NFATC1: variants seen among roughly 807,000 people sequenced by gnomAD.
NFATC1 encodes nuclear factor of activated T-cells, cytoplasmic 1.
In NFATC1, 22 loss-of-function variants were observed where a neutral mutation model predicts 76.0. That is an observed-to-expected ratio of 0.29 (90% CI 0.21 to 0.41). The LOEUF (loss-of-function observed/expected upper bound fraction) is 0.41, where lower values mean the gene tolerates loss of function less well. Among genes scored for constraint, NFATC1 ranks in the 10% least tolerant of loss-of-function variants. The pLI, the probability that NFATC1 is intolerant of heterozygous loss-of-function variation, is 1.00. For synonymous variants in NFATC1, 704 were observed against 613.1 expected, an observed-to-expected ratio of 1.15 and a Z score of -2.19; for missense variants, 1,357 against 1,337.7, an observed-to-expected ratio of 1.01 and a Z score of -0.23.
In NFATC1 at chr18:79,460,770, G is replaced by A. The variant is rs537553073; in HGVS notation, c.1904-541G>A. On this transcript the variant is annotated intron_variant, in intron 6 of 9. Coordinates refer to ENST00000427363, the MANE Select transcript of NFATC1 (RefSeq NM_001278669.2). ...GCACGAGCAGGCGTCGCACCCTGGCGTGGAGCCCCCGGCCCCCCGTCACTA... is the reference window on the plus strand; with the variant it reads ...GCACGAGCAGGCGTCGCACCCTGGCATGGAGCCCCCGGCCCCCCGTCACTA... 8.5e-5 allele frequency among the ~76,000 whole-genome samples: 13 copies of A among 152,246 alleles called. No individual in the cohort carries two copies. The East Asian group carries it at 1.9e-3, about 23-fold the overall frequency.
At chr18:79,429,501 G>C (rs374356776) in intron 2 of NFATC1, among the ~76,000 whole-genome samples, 1 of 152,134 alleles carries the variant, frequency 6.6e-6, no homozygotes, top group Admixed American at 6.5e-5. Flanking sequence ...TTGCCGTTCC[G>C]GGGGATGGGC....
At chr18:79,400,272 GCGGGGA>G (rs1555896589) in intron 1 of NFATC1, 8 of 1,189,658 alleles carry the variant, frequency 6.7e-6, no homozygotes, top group Non-Finnish European at 8.4e-6. Flanking sequence ...CGGGGGCGGG[GCGGGGA>G]CGGGGGGAGG....
At chr18:79,433,895 G>A (rs559016225) in intron 3 of NFATC1, among the ~76,000 whole-genome samples, 157 bp downstream of exon 3, 1 of 152,382 alleles carries the variant, frequency 6.6e-6, no homozygotes, top group South Asian at 2.1e-4. Flanking sequence ...CTCTGAGCTG[G>A]AATGGGAGCA....
At chr18:79,462,315 G>A (rs1252325260) in intron 7 of NFATC1, among the ~76,000 whole-genome samples, 2 of 152,158 alleles carry the variant, frequency 1.3e-5, no homozygotes, top group Non-Finnish European at 2.9e-5. Context: ...GGAGACCATT[G>A]ATGTTTAGGT....
intron 8 of NFATC1, among the ~76,000 whole-genome samples, chr18:79,485,800 T>C (rs960258004): frequency 2.0e-5 from 3 of 152,260 alleles, no homozygotes; most frequent in Admixed American, 2.0e-4. Flanking sequence ...GAGCAGTCGT[T>C]CACCTTTGCA....
At chr18:79,439,149 A>G (rs540202499) in intron 3 of NFATC1, among the ~76,000 whole-genome samples, 2 of 152,304 alleles carry the variant, frequency 1.3e-5, no homozygotes, top group East Asian at 3.9e-4. Context: ...TGTTCCACGC[A>G]GGGCCTCATC....
intron 2 of NFATC1, among the ~76,000 whole-genome samples, chr18:79,426,002 A>C (rs1179539041): frequency 6.6e-6 from 1 of 152,190 alleles, no homozygotes; most frequent in Non-Finnish European, 1.5e-5. Flanking sequence ...GCTGGAGCCC[A>C]GGAGTTTGAG....
At chr18:79,455,932 CCCA>C (rs1426059690) in intron 6 of NFATC1, among the ~76,000 whole-genome samples, 3 of 152,196 alleles carry the variant, frequency 2.0e-5, no homozygotes, top group African/African-American at 4.8e-5. Context: ...GGGCCTGCCT[CCCA>C]CCTCACTGGG....
At chr18:79,466,973 C>T (rs11659416) in intron 7 of NFATC1, among the ~76,000 whole-genome samples, 15,828 of 152,302 alleles carry the variant, frequency 0.1, 1,082 homozygotes, top group Non-Finnish European at 0.15. Context: ...TTTGCATCCC[C>T]GCCAGTCCCC....
chr18:79,499,415 A>G (rs138000520), intron 9 of NFATC1, among the ~76,000 whole-genome samples: 251 of 152,394 alleles, frequency 1.6e-3, no homozygotes, highest in African/African-American at 5.9e-3. Context: ...TATGTGTGTA[A>G]CACAAAATAA....
chr18:79,467,554 C>T lies in NFATC1; in HGVS notation c.2064C>T (p.Tyr688=), dbSNP rs35099556. 0.013 allele frequency: 20,692 copies of T among 1,613,984 alleles called. 162 individuals are homozygous for T. The highest frequency in any genetic ancestry group is 0.014 in the Non-Finnish European group (16,939 of 1,179,940). Residue 688 remains tyrosine (Y), a synonymous_variant, in exon 8 of 10, where the codon TAC becomes TAT. Transcript: ENST00000427363. ...VCNGKRKRSQ[Y]QRFTYLPANV... The stretch of plus-strand genomic sequence containing the variant: ...ACGGGAAGAGAAAGCGAAGCCAGTA[C>T]CAGCGTTTCACCTACCTTCCCGCCA...
rs547738828 is a variant in NFATC1, at chr18:79,401,435, A to G, written c.127+5084A>G. ...CTGTGCTGCCTGCGGTTCTCGACTCACCACTCCCCAAATGTCTTCCCTGCC... is the reference window on the plus strand; with the variant it reads ...CTGTGCTGCCTGCGGTTCTCGACTCGCCACTCCCCAAATGTCTTCCCTGCC... On this transcript the variant is annotated intron_variant, in intron 1 of 9. Transcript: ENST00000427363. 4.0e-5 allele frequency among the ~76,000 whole-genome samples: 6 copies of G among 151,708 alleles called. No individual in the cohort carries two copies. The South Asian group carries it at 1.0e-3, about 26-fold the overall frequency.
intron 8 of NFATC1, among the ~76,000 whole-genome samples, chr18:79,476,403 GT>G (rs2089072277): frequency 6.6e-6 from 1 of 152,252 alleles, no homozygotes; most frequent in African/African-American, 2.4e-5. Context: ...CGACCGATGT[GT>G]TTTGGCTTGT....
At chr18:79,521,591 A>T (rs906075332) in intron 9 of NFATC1, among the ~76,000 whole-genome samples, 1 of 56,480 alleles carries the variant, frequency 1.8e-5, no homozygotes, top group Non-Finnish European at 3.2e-5. Context: ...GTGTGGGGGG[A>T]GCATCCGCTG....
chr18:79,469,977 C>T (rs2088709838), intron 8 of NFATC1: 1 of 985,390 alleles, frequency 1.0e-6, no homozygotes, highest in Admixed American at 6.1e-5. Flanking sequence ...AGGCCACTGT[C>T]AGTGTGGTTG....
At chr18:79,413,346 G>T (rs564176724) in intron 2 of NFATC1, among the ~76,000 whole-genome samples, 18 of 152,308 alleles carry the variant, frequency 1.2e-4, no homozygotes, top group African/African-American at 2.6e-4. Context: ...AGGTTTTCTC[G>T]CGGGGTCCTG....
intron 3 of NFATC1, 63 bp downstream of exon 3, chr18:79,433,801 A>G: frequency 1.3e-6 from 2 of 1,564,466 alleles, no homozygotes; most frequent in Non-Finnish European, 1.7e-6. Flanking sequence ...GTAACTTTGG[A>G]GCCACAGCTA....
At chr18:79,471,156 C>T (rs1405867098) in intron 8 of NFATC1, among the ~76,000 whole-genome samples, 2 of 152,160 alleles carry the variant, frequency 1.3e-5, no homozygotes, top group Non-Finnish European at 1.5e-5. Context: ...ATTTAATCTC[C>T]CGGAAGGCGC....
At chr18:79,514,033 A>C (rs1042240727) in intron 9 of NFATC1, among the ~76,000 whole-genome samples, 1 of 152,066 alleles carries the variant, frequency 6.6e-6, no homozygotes, top group Non-Finnish European at 1.5e-5. Flanking sequence ...CGTGGGGCAG[A>C]GTGAGCGGAG....
Sources: allele counts gnomAD v4.1 joint callset (sites outside exome capture counted in the v4.1 genomes callset), GRCh38; gene constraint gnomAD v4.1.1; transcripts MANE v1.5; gene names NCBI Gene and HGNC (gene_info 2026-07-23, HGNC 2026-07-21).